Variants in ESRRG observed in about 807,000 individuals in gnomAD.
ESRRG encodes the protein estrogen-related receptor gamma.
ESRRG carries 13 observed loss-of-function variants against 44.0 expected under a neutral mutation model. The observed-to-expected ratio is 0.30, with a 90% CI of 0.19 to 0.47. The LOEUF is 0.47. Ranked by LOEUF, ESRRG falls within the 20% of genes least tolerant of loss-of-function variation. The pLI, the probability that ESRRG is intolerant of heterozygous loss-of-function variation, is 1.00. For missense variants in ESRRG, 395 were observed against 580.6 expected (o/e 0.68, Z 3.29); for synonymous variants, 215 against 214.6 (o/e 1.00, Z -0.02).
Position 216,624,041 on chromosome 1 carries a change from C to T in ESRRG, c.589+26932G>A, listed in dbSNP as rs115811484. On this transcript the variant is annotated intron_variant, in intron 3 of 6. Transcript: ENST00000408911. Reference sequence around the variant, plus strand: ...AAGATCTGGAACACTCTCTTTTCCTCTAAGATACACTAAGCCAATATGGTT... The same window carrying T: ...AAGATCTGGAACACTCTCTTTTCCTTTAAGATACACTAAGCCAATATGGTT... Among the ~76,000 whole-genome samples the T allele has an allele frequency of 4.2e-3, 633 of 152,236 alleles. 5 individuals are homozygous for T. The highest frequency in any genetic ancestry group is 0.015 in the African/African-American group (605 of 41,536).
At chr1:216,713,237 T>C (rs1161582933) in intron 1 of ESRRG, among the ~76,000 whole-genome samples, 1 of 152,162 alleles carries the variant, frequency 6.6e-6, no homozygotes, top group African/African-American at 2.4e-5. Context: ...ATGGTTTGTA[T>C]TGAAGAAAAA....
intron 5 of ESRRG, among the ~76,000 whole-genome samples, chr1:216,540,483 T>A (rs1572588089): frequency 1.3e-5 from 2 of 152,050 alleles, no homozygotes; most frequent in East Asian, 3.9e-4. Flanking sequence ...ATTCATTAAA[T>A]GTACCAACTC....
At position 216,545,033 on chromosome 1, in the gene ESRRG, T is replaced by C. The variant is rs561721917; in HGVS notation, c.862+19186A>G. ...CAATATAACAATATATTACATATAA[T>C]GATTTTTTAAAATGTACCCATTTAT... On this transcript the variant is annotated intron_variant, in intron 5 of 6. Coordinates refer to ENST00000408911, the MANE Select transcript of ESRRG (RefSeq NM_001438.4). Among the ~76,000 whole-genome samples the C allele has an allele frequency of 1.4e-4, 21 of 152,052 alleles. No individual in the cohort carries two copies. In the South Asian group the frequency reaches 4.4e-3, roughly 32 times the overall value.
chr1:216,988,878 G>A (rs1380062557), intron 1 of ESRRG, among the ~76,000 whole-genome samples: 1 of 152,148 alleles, frequency 6.6e-6, no homozygotes, highest in Admixed American at 6.5e-5. Flanking sequence ...AAAAATAAGT[G>A]TGCCTAAAGA....
intron 1 of ESRRG, among the ~76,000 whole-genome samples, chr1:217,131,877 T>C (rs1164567391): frequency 6.6e-6 from 1 of 152,164 alleles, no homozygotes; most frequent in Non-Finnish European, 1.5e-5. Flanking sequence ...GACATCTGGG[T>C]TTCAGGCCTC....
chr1:216,919,091 C>T (rs893854251), intron 2 of ESRRG, among the ~76,000 whole-genome samples: 1 of 152,078 alleles, frequency 6.6e-6, no homozygotes, highest in African/African-American at 2.4e-5. Context: ...TATAAATTCA[C>T]TTCCTTATCT....
intron 1 of ESRRG, among the ~76,000 whole-genome samples, chr1:217,046,635 A>G (rs751779321): frequency 5.9e-5 from 9 of 152,114 alleles, no homozygotes; most frequent in Non-Finnish European, 1.0e-4. Flanking sequence ...TGTAATCCCA[A>G]CACTTCAGGA....
chr1:216,813,167 C>T (rs565609313), intron 2 of ESRRG, among the ~76,000 whole-genome samples: 7 of 152,090 alleles, frequency 4.6e-5, no homozygotes, highest in Non-Finnish European at 8.8e-5. Flanking sequence ...AGAAAACCCA[C>T]GACTCAGATA....
chr1:216,676,980 TATG>T, intron 2 of ESRRG, 93 bp downstream of exon 2: 6 of 850,296 alleles, frequency 7.1e-6, no homozygotes, highest in Non-Finnish European at 1.1e-5. Flanking sequence ...GAATTAAAAC[TATG>T]ATACTTGACT....
chr1:216,900,161 G>T (rs984768598), intron 2 of ESRRG, among the ~76,000 whole-genome samples: 1 of 152,038 alleles, frequency 6.6e-6, no homozygotes, highest in African/African-American at 2.4e-5. Flanking sequence ...AAACAATAAG[G>T]CATGGATATC....
intron 2 of ESRRG, among the ~76,000 whole-genome samples, chr1:216,753,598 G>A (rs189668765): frequency 4.5e-4 from 68 of 152,158 alleles, no homozygotes; most frequent in African/African-American, 1.6e-3. Context: ...TATCAGAGGT[G>A]CATTTGGGCT....
Position 216,546,493 on chromosome 1 carries a change from C to T in ESRRG, c.862+17726G>A, listed in dbSNP as rs553107324. On this transcript the variant is annotated intron_variant, in intron 5 of 6. Coordinates refer to ENST00000408911, the MANE Select transcript of ESRRG (RefSeq NM_001438.4). ...CGTGCAAACTGCAGGAAGCCATGCT[C>T]GGTTTAATGCTCTGTTGTCACCACC... Among the ~76,000 whole-genome samples, 8 of 152,146 alleles carry T rather than the reference C, an allele frequency of 5.3e-5. No homozygotes were observed. In the East Asian group the frequency reaches 5.8e-4, roughly 11 times the overall value.
intron 2 of ESRRG, among the ~76,000 whole-genome samples, chr1:216,865,416 C>G (rs1468510902): frequency 6.6e-6 from 1 of 151,770 alleles, no homozygotes; most frequent in African/African-American, 2.4e-5. Flanking sequence ...TCCTTGACAA[C>G]TGTCCATTTT....
At chr1:217,131,841 G>T (rs1355607611) in intron 1 of ESRRG, among the ~76,000 whole-genome samples, 2 of 152,174 alleles carry the variant, frequency 1.3e-5, no homozygotes, top group Admixed American at 6.5e-5. Flanking sequence ...TTAGTTCTCT[G>T]GGTTCTCCCT....
chr1:216,624,654 T>C (rs571796490), intron 3 of ESRRG, among the ~76,000 whole-genome samples: 30 of 152,306 alleles, frequency 2.0e-4, no homozygotes, highest in African/African-American at 6.7e-4. Flanking sequence ...TAACCGAACC[T>C]TCATCTTTAT....
At chr1:216,664,471 A>G (rs2073348768) in intron 2 of ESRRG, among the ~76,000 whole-genome samples, 1 of 150,162 alleles carries the variant, frequency 6.7e-6, no homozygotes, top group Non-Finnish European at 1.5e-5. Flanking sequence ...ATTACTATTA[A>G]TATTATTGGT....
At chr1:216,543,666 T>C (rs2053554804) in intron 5 of ESRRG, among the ~76,000 whole-genome samples, 2 of 152,040 alleles carry the variant, frequency 1.3e-5, no homozygotes. Context: ...TTACATTTGC[T>C]GTGTAGTCTC....
At chr1:216,780,411 A>C (rs546619808) in intron 2 of ESRRG, among the ~76,000 whole-genome samples, 1 of 152,044 alleles carries the variant, frequency 6.6e-6, no homozygotes, top group African/African-American at 2.4e-5. Flanking sequence ...GAGATTTTTT[A>C]AGTTGAGTTA....
chr1:217,048,808 G>A (rs2085367219), intron 1 of ESRRG, among the ~76,000 whole-genome samples: 2 of 152,194 alleles, frequency 1.3e-5, no homozygotes, highest in Non-Finnish European at 2.9e-5. Context: ...TGAGCATAGT[G>A]TGAGTAAATT....
Sources: gnomAD v4.1 joint callset for allele counts (sites outside exome capture counted in the v4.1 genomes callset) on GRCh38, gnomAD v4.1.1 for gene constraint, MANE v1.5 for transcripts, NCBI Gene and HGNC (gene_info 2026-07-23, HGNC 2026-07-21) for gene names.